The following LRRTM4 variants were observed in gnomAD, a reference collection of about 807,000 sequenced individuals.
LRRTM4 encodes the protein leucine-rich repeat transmembrane neuronal protein 4.
LRRTM4 carries 25 observed loss-of-function variants against 47.6 expected under a neutral mutation model. The observed-to-expected ratio is 0.53, with a 90% CI of 0.38 to 0.73. The LOEUF is 0.73. Ranked by LOEUF, LRRTM4 falls within the 30% of genes least tolerant of loss-of-function variation. The probability of loss-of-function intolerance (pLI) is 0.00; values close to 1 mark genes in which losing one functional copy is unlikely to be tolerated. For synonymous variants in LRRTM4, 311 were observed against 269.5 expected (o/e 1.15, Z -1.51); for missense variants, 638 against 713.4 (o/e 0.89, Z 1.20).
chr2:76,961,794 T>C (rs1422960082), intron 3 of LRRTM4, among the ~76,000 whole-genome samples: 1 of 151,354 alleles, frequency 6.6e-6, no homozygotes, highest in Non-Finnish European at 1.5e-5. Flanking sequence ...TATACATATG[T>C]ATCTTATTTT....
Position 77,519,965 on chromosome 2 carries a change from G to T in LRRTM4, c.5-101C>A, listed in dbSNP as rs991864702. ...GGGCATTTCCTCTAGTGTAGGAATG[G>T]GACAGTTGATTTAAGGAAAATGCAT... On this transcript the variant is annotated intron_variant, in intron 2 of 3. Transcript: ENST00000409884. This position sits in a 1 kb window ranked among gnomAD's most constrained non-coding sequence, Gnocchi z 4.6. The T allele has an allele frequency of 6.9e-7, 1 of 1,439,526 alleles. No individual in the cohort carries two copies. The highest frequency in any genetic ancestry group is 2.8e-5 in the Admixed American group (1 of 35,162). 89.2% of individuals were successfully genotyped at this position (1,439,526 alleles called of 1,614,324 possible).
chr2:76,783,804 A>AG (rs1449247089), intron 3 of LRRTM4, among the ~76,000 whole-genome samples: 1 of 152,198 alleles, frequency 6.6e-6, no homozygotes, highest in Non-Finnish European at 1.5e-5. Context: ...CAAGTAAAAA[A>AG]GAAATTCAGC....
chr2:77,075,914 C>CGAAAAAAAAAAA (rs1680321523), intron 3 of LRRTM4, among the ~76,000 whole-genome samples: 1 of 36,850 alleles, frequency 2.7e-5, no homozygotes, highest in African/African-American at 8.7e-5. Context: ...GACTCCGTCT[C>CGAAAAAAAAAAA]AAAAAAAAAA....
intron 3 of LRRTM4, among the ~76,000 whole-genome samples, chr2:77,045,641 G>T (rs530684913): frequency 6.6e-6 from 1 of 151,890 alleles, no homozygotes; most frequent in Non-Finnish European, 1.5e-5. Context: ...GAGTTTTCCT[G>T]CACAAGCTCT....
At position 77,402,453 on chromosome 2, in the gene LRRTM4, C is replaced by T. The variant is rs141460874; in HGVS notation, c.1551+115865G>A. 8.7e-4 allele frequency among the ~76,000 whole-genome samples: 132 copies of T among 151,986 alleles called. 1 individual carries two copies. Among genetic ancestry groups the T allele is most frequent in the African/African-American group, 3.0e-3 (124 of 41,492 alleles). On this transcript the variant is annotated intron_variant, in intron 3 of 3. Transcript: ENST00000409884. ...TATTAGCCACTGCTCCTGGATGACT[C>T]AAAATTCTTATCTTCCTAAACCAAC...
chr2:77,478,984 T>C (rs901657288), intron 3 of LRRTM4, among the ~76,000 whole-genome samples: 1 of 152,134 alleles, frequency 6.6e-6, no homozygotes, highest in African/African-American at 2.4e-5. Context: ...AACCTCCGCC[T>C]CCCGGGTTCA....
chr2:77,496,556 G>T (rs1057078735), intron 3 of LRRTM4, among the ~76,000 whole-genome samples: 2 of 151,632 alleles, frequency 1.3e-5, no homozygotes, highest in Non-Finnish European at 3.0e-5. Flanking sequence ...TTTCTCAAAC[G>T]CTTTGTCTGC....
intron 3 of LRRTM4, among the ~76,000 whole-genome samples, chr2:77,421,214 A>G (rs2103881654): frequency 6.6e-6 from 1 of 152,332 alleles, no homozygotes; most frequent in East Asian, 1.9e-4. Flanking sequence ...CCTCTAAGGA[A>G]AGCTTGAGAA....
At chr2:76,883,154 A>G (rs754869061) in intron 3 of LRRTM4, among the ~76,000 whole-genome samples, 7 of 152,076 alleles carry the variant, frequency 4.6e-5, no homozygotes, top group African/African-American at 1.2e-4. Context: ...CTCATCTTCA[A>G]TAAGAACACT....
intron 3 of LRRTM4, among the ~76,000 whole-genome samples, chr2:77,074,845 TA>T (rs1176542113): frequency 2.0e-5 from 3 of 152,186 alleles, no homozygotes; most frequent in Non-Finnish European, 4.4e-5. Flanking sequence ...ATTAGTCAAA[TA>T]AAATTCTATT....
At chr2:77,410,494 C>A (rs1297513989) in intron 3 of LRRTM4, among the ~76,000 whole-genome samples, 1 of 152,074 alleles carries the variant, frequency 6.6e-6, no homozygotes, top group Non-Finnish European at 1.5e-5. Flanking sequence ...CCAGCTAACA[C>A]CTGATCAGGG....
At chr2:77,516,088 C>T (rs768872112) in intron 3 of LRRTM4, among the ~76,000 whole-genome samples, 1 of 151,672 alleles carries the variant, frequency 6.6e-6, no homozygotes, top group Non-Finnish European at 1.5e-5. Flanking sequence ...TACTAATGTC[C>T]ATGTTTGAGG....
intron 3 of LRRTM4, among the ~76,000 whole-genome samples, chr2:77,264,748 AATGAGGC>A (rs1676006739): frequency 1.3e-5 from 2 of 152,092 alleles, no homozygotes; most frequent in African/African-American, 4.8e-5. Flanking sequence ...CCAACCCTAA[AATGAGGC>A]CCCTTATATA....
chr2:77,456,425 G>A (rs1280802529), intron 3 of LRRTM4, among the ~76,000 whole-genome samples: 1 of 152,030 alleles, frequency 6.6e-6, no homozygotes, highest in Non-Finnish European at 1.5e-5. Flanking sequence ...TAGGCTAACT[G>A]TCCAGGCTTA....
At position 77,132,810 on chromosome 2, in the gene LRRTM4, CA is replaced by C. The variant is rs532433613; in HGVS notation, c.1552-383895del. On this transcript the variant is annotated intron_variant, in intron 3 of 3. Transcript: ENST00000409884. ...GTTTTAACACATGAATTATGGGAGA[CA>C]TTCAGATCAACACAGACTCAGAAGC... Among the ~76,000 whole-genome samples the C allele has an allele frequency of 4.6e-5, 7 of 152,088 alleles. No homozygotes were observed. In the East Asian group the frequency reaches 1.4e-3, roughly 29 times the overall value.
chr2:77,100,490 T>A (rs1670924948), intron 3 of LRRTM4, among the ~76,000 whole-genome samples: 2 of 152,278 alleles, frequency 1.3e-5, no homozygotes, highest in South Asian at 4.1e-4. Context: ...TGGGTTAAAC[T>A]TCACCACAAG....
At position 77,438,393 on chromosome 2, in the gene LRRTM4, A is replaced by ATTT. The variant is rs70956631; in HGVS notation, c.1551+79922_1551+79924dup. Among the ~76,000 whole-genome samples, 273 of 100,194 alleles carry ATTT rather than the reference A, an allele frequency of 2.7e-3. 15 individuals are homozygous for ATTT. Among genetic ancestry groups the ATTT allele is most frequent in the African/African-American group, 5.1e-3 (114 of 22,416 alleles). The allele number at this position is 100,194 out of a possible 152,430, so 65.7% of individuals were successfully genotyped here. The stretch of plus-strand genomic sequence containing the variant: ...TACATTTTCGCTCTCGATCATGATA[A>ATTT]TTTTTTTTTTTTTTTTTTTTTTTTT... On this transcript the variant is annotated intron_variant, in intron 3 of 3. Coordinates refer to ENST00000409884, the MANE Select transcript of LRRTM4 (RefSeq NM_001134745.3).
intron 3 of LRRTM4, among the ~76,000 whole-genome samples, chr2:77,338,078 T>G (rs1042825112): frequency 3.3e-5 from 5 of 152,072 alleles, no homozygotes; most frequent in Non-Finnish European, 7.4e-5. Context: ...TTATACCAGA[T>G]ACAAAAATCA....
chr2:77,126,826 C>A (rs1671663871), intron 3 of LRRTM4, among the ~76,000 whole-genome samples: 1 of 152,198 alleles, frequency 6.6e-6, no homozygotes, highest in Non-Finnish European at 1.5e-5. Flanking sequence ...AAGATGTGCA[C>A]ATCACTGGCT....
Sources: gnomAD v4.1 joint callset for allele counts (sites outside exome capture counted in the v4.1 genomes callset) on GRCh38, gnomAD v4.1.1 for gene constraint, Gnocchi (gnomAD v3.1) non-coding constraint, MANE v1.5 for transcripts, NCBI Gene and HGNC (gene_info 2026-07-23, HGNC 2026-07-21) for gene names.